GLI3: variants seen among roughly 807,000 people sequenced by gnomAD.
GLI3 encodes the protein transcription activator GLI3.
In GLI3, 20 loss-of-function variants were observed where a neutral mutation model predicts 100.8. That is an observed-to-expected ratio of 0.20 (90% CI 0.14 to 0.29). The LOEUF (loss-of-function observed/expected upper bound fraction) is 0.29. Ranked by LOEUF, GLI3 falls within the 10% of genes least tolerant of loss-of-function variation. The probability of loss-of-function intolerance (pLI) is 1.00; values close to 1 mark genes in which losing one functional copy is unlikely to be tolerated. For missense variants in GLI3, 2,040 were observed against 2,128.5 expected (o/e 0.96, Z 0.82); for synonymous variants, 938 against 860.5 (o/e 1.09, Z -1.58).
At chr7:42,264,087 C>T (rs1034496065) in exon 1 of GLI3, among the ~76,000 whole-genome samples, 1 of 152,156 alleles carries the variant, frequency 6.6e-6, no homozygotes, top group South Asian at 2.1e-4. Context: ...GTCCAGGCAT[C>T]CAGCAGCACT....
rs758379697 is a variant in GLI3, at chr7:41,964,509, C to G, written c.4564G>C (p.Ala1522Pro). The change falls in exon 15 of 15, where the codon GCC (alanine) becomes CCC (proline). Residue 1522 changes from alanine to proline, a missense_variant. This residue lies in a region of GLI3 where 1,041 missense variants were observed against 924.0 expected (regional missense o/e 1.13). Coordinates refer to ENST00000395925, the MANE Select transcript of GLI3 (RefSeq NM_000168.6). ...DGDHSSLMSG[A>P]LSPSIIQNLS... ...TTCTGAATGATACTTGGGCTCAGGGCCCCCGACATCAGGCTGGAGTGGTCC... is the reference window on the plus strand; with the variant it reads ...TTCTGAATGATACTTGGGCTCAGGGGCCCCGACATCAGGCTGGAGTGGTCC... The G allele has an allele frequency of 1.2e-6, 2 of 1,613,494 alleles. No individual in the cohort carries two copies. Among genetic ancestry groups the G allele is most frequent in the African/African-American group, 1.3e-5 (1 of 74,902 alleles).
intron 12 of GLI3, among the ~76,000 whole-genome samples, chr7:41,976,386 C>A (rs1051240233): frequency 6.6e-6 from 1 of 152,140 alleles, no homozygotes; most frequent in African/African-American, 2.4e-5. Flanking sequence ...AGTGAGTGTG[C>A]TTTTTACAGA....
In GLI3 at chr7:42,183,754, T is replaced by C. The variant is rs141722593; in HGVS notation, c.125-35286A>G. 1.8e-3 allele frequency among the ~76,000 whole-genome samples: 275 copies of C among 152,302 alleles called. 4 individuals carry two copies. Among genetic ancestry groups the C allele is most frequent in the African/African-American group, 6.5e-3 (269 of 41,562 alleles). ...ATCTTGGATTCCTCTCTCCACAACA[T>C]AGGCTGAGTCCATCCACTTCCCTCC... On this transcript the variant is annotated intron_variant, in intron 2 of 14. Coordinates refer to ENST00000395925, the MANE Select transcript of GLI3 (RefSeq NM_000168.6).
At chr7:41,977,401 T>C (rs1344394590) in intron 12 of GLI3, among the ~76,000 whole-genome samples, 157 bp downstream of exon 12, 1 of 152,190 alleles carries the variant, frequency 6.6e-6, no homozygotes, top group Admixed American at 6.5e-5. Flanking sequence ...CAGTCCCACC[T>C]AGGAAGCTCA....
At chr7:41,999,277 G>A (rs1788220600) in intron 10 of GLI3, among the ~76,000 whole-genome samples, 1 of 152,134 alleles carries the variant, frequency 6.6e-6, no homozygotes. Context: ...CAGCAGCACT[G>A]AAAACTCACC....
chr7:42,141,508 C>A (rs1786566719), intron 3 of GLI3, among the ~76,000 whole-genome samples: 2 of 152,006 alleles, frequency 1.3e-5, no homozygotes, highest in South Asian at 4.2e-4. Flanking sequence ...CCCGTGTCTA[C>A]TAAAAATATA....
chr7:42,159,219 T>C (rs1335205749), intron 2 of GLI3, among the ~76,000 whole-genome samples: 1 of 152,214 alleles, frequency 6.6e-6, no homozygotes, highest in African/African-American at 2.4e-5. Flanking sequence ...TGGCTTGTGC[T>C]TAACTTAACA....
At chr7:42,261,375 A>G (rs1204439966) in intron 1 of GLI3, among the ~76,000 whole-genome samples, 3 of 152,242 alleles carry the variant, frequency 2.0e-5, no homozygotes, top group East Asian at 1.9e-4. Context: ...CCTCACCTCC[A>G]GCATGGGGAT....
chr7:42,180,976 T>C (rs1787579662), intron 2 of GLI3, among the ~76,000 whole-genome samples: 1 of 152,182 alleles, frequency 6.6e-6, no homozygotes, highest in African/African-American at 2.4e-5. Flanking sequence ...AAAGCTTTTT[T>C]TGTCAAAGGC....
At position 42,040,026 on chromosome 7, in the gene GLI3, G is replaced by T. The variant is rs770048298; in HGVS notation, c.1028+12C>A. 6 of 1,595,394 alleles carry T rather than the reference G, an allele frequency of 3.8e-6. No homozygotes were observed. The East Asian group carries it at 1.3e-4, about 36-fold the overall frequency. On this transcript the variant is annotated intron_variant, in intron 7 of 14. Coordinates refer to ENST00000395925, the MANE Select transcript of GLI3 (RefSeq NM_000168.6). ...TTTAAAAAACACATAATGGATTCAGGAAAATACATACCTGATTGCACTTGC... is the reference window on the plus strand; with the variant it reads ...TTTAAAAAACACATAATGGATTCAGTAAAATACATACCTGATTGCACTTGC...
chr7:42,059,459 TA>T (rs1562708662), intron 4 of GLI3, among the ~76,000 whole-genome samples: 1 of 149,730 alleles, frequency 6.7e-6, no homozygotes, highest in African/African-American at 2.4e-5. Flanking sequence ...TAAATGAATA[TA>T]ATATTCATTT....
intron 4 of GLI3, among the ~76,000 whole-genome samples, chr7:42,060,363 A>G (rs1784542441): frequency 6.6e-6 from 1 of 152,118 alleles, no homozygotes; most frequent in African/African-American, 2.4e-5. Context: ...GGCATTACTT[A>G]GGCGCACCCA....
intron 10 of GLI3, among the ~76,000 whole-genome samples, chr7:41,998,668 G>A (rs937394723): frequency 1.3e-5 from 2 of 152,162 alleles, no homozygotes; most frequent in Non-Finnish European, 2.9e-5. Flanking sequence ...TCTGAATGGT[G>A]TTAACATTGG....
chr7:42,257,746 A>T (rs7776902), intron 1 of GLI3, among the ~76,000 whole-genome samples: 14,570 of 144,412 alleles, frequency 0.1, 1,418 homozygotes, highest in African/African-American at 0.29. Flanking sequence ...ATTGTTTTTT[A>T]AAAAAAAAAT....
At chr7:41,973,521 C>T (rs1469219204) in intron 12 of GLI3, among the ~76,000 whole-genome samples, 2 of 152,180 alleles carry the variant, frequency 1.3e-5, no homozygotes, top group Non-Finnish European at 2.9e-5. Flanking sequence ...AACTGCTGAC[C>T]TTTGGCTCAT....
At chr7:42,123,896 G>A (rs1276040310) in intron 3 of GLI3, among the ~76,000 whole-genome samples, 1 of 152,164 alleles carries the variant, frequency 6.6e-6, no homozygotes, top group African/African-American at 2.4e-5. Flanking sequence ...CAGGAATTCT[G>A]ATTCAGGAGT....
chr7:42,151,874 C>T (rs1786873108), intron 2 of GLI3: 1 of 151,370 alleles, frequency 6.6e-6, no homozygotes, highest in Non-Finnish European at 1.5e-5. Context: ...GACATCAAGT[C>T]AGATATTCTT....
In GLI3 at chr7:42,122,901, AAG is replaced by A. The variant is rs536776194; in HGVS notation, c.367+25323_367+25324del. On this transcript the variant is annotated intron_variant, in intron 3 of 14. Transcript: ENST00000395925. ...GCAGAATATTTTTACTAGAACACGC[AAG>A]AGTGTCTTTTAGACCTTACGATCAA... Among the ~76,000 whole-genome samples, 12 of 152,352 alleles carry A rather than the reference AAG, an allele frequency of 7.9e-5. No individual in the cohort carries two copies. In the South Asian group the frequency reaches 8.3e-4, roughly 11 times the overall value.
intron 3 of GLI3, among the ~76,000 whole-genome samples, chr7:42,136,729 G>C (rs1786436782): frequency 6.6e-6 from 1 of 152,224 alleles, no homozygotes; most frequent in Non-Finnish European, 1.5e-5. Context: ...CTCTGACACT[G>C]GGATGCATAA....
Sources: allele counts gnomAD v4.1 joint callset (sites outside exome capture counted in the v4.1 genomes callset), GRCh38; gene constraint gnomAD v4.1.1; regional missense constraint gnomAD v4.1.1; transcripts MANE v1.5; gene names NCBI Gene and HGNC (gene_info 2026-07-23, HGNC 2026-07-21).